COL19A1: variants seen among roughly 807,000 people sequenced by gnomAD.
The protein encoded by COL19A1 is collagen type XIX alpha 1 chain.
Under a neutral mutation model 190.2 loss-of-function variants are expected in COL19A1, and 159 were observed. The ratio of observed to expected loss-of-function variants is 0.84; its 90% CI spans 0.73 to 0.95. COL19A1 has a LOEUF of 0.95. Among genes scored for constraint, COL19A1 ranks in the 40% least tolerant of loss-of-function variants. COL19A1 has a pLI of 0.00. For synonymous variants in COL19A1, 509 were observed against 458.9 expected, an observed-to-expected ratio of 1.11 and a Z score of -1.39; for missense variants, 1,418 against 1,431.9, an observed-to-expected ratio of 0.99 and a Z score of 0.16.
chr6:70,093,260 C>A (rs187028470), intron 15 of COL19A1, among the ~76,000 whole-genome samples: 1 of 152,044 alleles, frequency 6.6e-6, no homozygotes, highest in Non-Finnish European at 1.5e-5. Flanking sequence ...GAGGAAAGAA[C>A]GTTTTCACAA....
intron 18 of COL19A1, among the ~76,000 whole-genome samples, chr6:70,133,891 A>G (rs1785670170): frequency 6.6e-6 from 1 of 152,214 alleles, no homozygotes; most frequent in Non-Finnish European, 1.5e-5. Context: ...AATGTCATCC[A>G]ACGACTATGT....
chr6:70,180,658 T>G (rs1303265476), intron 44 of COL19A1, 135 bp downstream of exon 44: 1 of 873,924 alleles, frequency 1.1e-6, no homozygotes, highest in Non-Finnish European at 1.8e-6. Flanking sequence ...AGATGGATTT[T>G]TGATGGCAAG....
At chr6:70,118,246 G>A (rs1193384162) in intron 16 of COL19A1, among the ~76,000 whole-genome samples, 1 of 152,198 alleles carries the variant, frequency 6.6e-6, no homozygotes, top group Admixed American at 6.5e-5. Context: ...GGATGTGGCT[G>A]GTAGGATAGC....
At chr6:70,074,785 A>G (rs16868517) in intron 15 of COL19A1, among the ~76,000 whole-genome samples, 1 of 147,440 alleles carries the variant, frequency 6.8e-6, no homozygotes, top group East Asian at 1.9e-4. Context: ...TCTTATCTTT[A>G]TGTGTCAAAA....
chr6:70,121,813 T>A, intron 16 of COL19A1, 67 bp from the exon 17 acceptor site: 1 of 994,448 alleles, frequency 1.0e-6, no homozygotes. Flanking sequence ...TTCTTAGATA[T>A]GTTATTTAAA....
chr6:70,083,546 T>C (rs554537764), intron 15 of COL19A1, among the ~76,000 whole-genome samples: 1 of 152,310 alleles, frequency 6.6e-6, no homozygotes, highest in Non-Finnish European at 1.5e-5. Context: ...ATTAGAGAAG[T>C]GCTGATTTAG....
At chr6:70,007,079 A>G (rs868171030) in intron 11 of COL19A1, among the ~76,000 whole-genome samples, 1 of 152,022 alleles carries the variant, frequency 6.6e-6, no homozygotes, top group African/African-American at 2.4e-5. Context: ...CCTTTACCCA[A>G]CCCAATGTTA....
chr6:69,982,658 C>A (rs969371829), intron 11 of COL19A1, among the ~76,000 whole-genome samples: 6 of 151,352 alleles, frequency 4.0e-5, no homozygotes, highest in Non-Finnish European at 8.8e-5. Flanking sequence ...AGAACCTTGG[C>A]ATTTTCATAT....
intron 48 of COL19A1, 146 bp downstream of exon 48, chr6:70,190,527 T>A: frequency 1.6e-6 from 1 of 609,646 alleles, no homozygotes; most frequent in Non-Finnish European, 2.9e-6. Context: ...GGACAGCTCT[T>A]TGATGAAAAT....
chr6:69,945,606 AAAT>A (rs1346796418), intron 9 of COL19A1, among the ~76,000 whole-genome samples: 7 of 152,026 alleles, frequency 4.6e-5, no homozygotes, highest in Admixed American at 2.6e-4. Flanking sequence ...TCAATATAAG[AAAT>A]AATAATGTTT....
At chr6:69,973,599 A>T (rs1562049299) in intron 11 of COL19A1, among the ~76,000 whole-genome samples, 2 of 147,148 alleles carry the variant, frequency 1.4e-5, no homozygotes, top group Non-Finnish European at 3.0e-5. Flanking sequence ...TTTAATGTAT[A>T]AAAAAAAGAT....
intron 18 of COL19A1, among the ~76,000 whole-genome samples, chr6:70,131,585 A>G (rs1468603411): frequency 4.6e-5 from 7 of 152,226 alleles, no homozygotes; most frequent in Non-Finnish European, 7.3e-5. Flanking sequence ...ATTTCCTGTA[A>G]CCTAATAGCT....
intron 9 of COL19A1, among the ~76,000 whole-genome samples, chr6:69,955,583 G>C (rs1225171578): frequency 6.6e-6 from 1 of 151,372 alleles, no homozygotes; most frequent in Non-Finnish European, 1.5e-5. Flanking sequence ...GAGAAAGAGA[G>C]AGAGAGAGAT....
intron 9 of COL19A1, among the ~76,000 whole-genome samples, chr6:69,941,321 C>T (rs1380931654): frequency 6.6e-6 from 1 of 152,146 alleles, no homozygotes; most frequent in Admixed American, 6.6e-5. Context: ...ATACACAGCA[C>T]TTAGAAACTG....
Position 70,172,030 on chromosome 6 carries a change from G to A in COL19A1, c.2622+13G>A, listed in dbSNP as rs1765529449. 1 of 1,606,646 alleles carries A rather than the reference G, an allele frequency of 6.2e-7. No homozygotes were observed. Among genetic ancestry groups the A allele is most frequent in the Non-Finnish European group, 8.5e-7 (1 of 1,177,658 alleles). On this transcript the variant is annotated intron_variant, in intron 41 of 50. Transcript: ENST00000620364. ...TCCAGGTGTAAAGGTAAGCACAGAA[G>A]TTAGAAATGTGTTCATTTATTCAAC...
At chr6:70,203,018 G>A (rs1767644130) in intron 49 of COL19A1, among the ~76,000 whole-genome samples, 1 of 152,096 alleles carries the variant, frequency 6.6e-6, no homozygotes, top group Non-Finnish European at 1.5e-5. Context: ...GTTCTCCCGG[G>A]TATGAGCTAA....
intron 12 of COL19A1, among the ~76,000 whole-genome samples, chr6:70,029,890 A>C (rs549331844): frequency 6.6e-6 from 1 of 152,336 alleles, no homozygotes; most frequent in Non-Finnish European, 1.5e-5. Context: ...AACAACATTT[A>C]TTAAGTGCCT....
intron 15 of COL19A1, among the ~76,000 whole-genome samples, chr6:70,079,639 G>A (rs898647221): frequency 1.3e-5 from 2 of 152,168 alleles, no homozygotes; most frequent in African/African-American, 2.4e-5. Context: ...ATCGGAGGAT[G>A]GAGGTTGAGA....
At chr6:69,871,037 G>A (rs570270610) in intron 1 of COL19A1, among the ~76,000 whole-genome samples, 12 of 152,156 alleles carry the variant, frequency 7.9e-5, no homozygotes, top group African/African-American at 2.7e-4. Context: ...TATAATGAGG[G>A]CAGAAACTTT....
Sources: allele counts gnomAD v4.1 joint callset (sites outside exome capture counted in the v4.1 genomes callset), GRCh38; gene constraint gnomAD v4.1.1; transcripts MANE v1.5; gene names NCBI Gene and HGNC (gene_info 2026-07-23, HGNC 2026-07-21).